NFIB: variants seen among roughly 807,000 people sequenced by gnomAD.
NFIB encodes nuclear factor 1 B-type.
NFIB carries 11 observed loss-of-function variants against 61.5 expected under a neutral mutation model. The observed-to-expected ratio is 0.18, with a 90% CI of 0.11 to 0.30. NFIB has a LOEUF of 0.30. NFIB is among the 10% of genes least tolerant of loss of function. NFIB has a pLI of 1.00. For synonymous variants in NFIB, 260 were observed against 216.5 expected (o/e 1.20, Z -1.76); for missense variants, 471 against 608.9 (o/e 0.77, Z 2.38).
chr9:14,325,721 C>A (rs998493556), intron 1 of NFIB, among the ~76,000 whole-genome samples: 4 of 151,728 alleles, frequency 2.6e-5, no homozygotes, highest in African/African-American at 9.7e-5. Flanking sequence ...ATTATTATAC[C>A]AGAATTTGTG....
At chr9:14,334,798 T>C (rs1175979225) in intron 1 of NFIB, among the ~76,000 whole-genome samples, 1 of 152,222 alleles carries the variant, frequency 6.6e-6, no homozygotes, top group African/African-American at 2.4e-5. Flanking sequence ...AGGCAACATT[T>C]CTATTACCTC....
At chr9:14,431,423 A>G in the NFIB span, among the ~76,000 whole-genome samples, 1 of 152,150 alleles carries the variant, frequency 6.6e-6, no homozygotes, top group Admixed American at 6.5e-5. Flanking sequence ...CTCACTCTAG[A>G]GAGTCTATCA....
chr9:14,430,919 T>G, the NFIB span, among the ~76,000 whole-genome samples: 469 of 152,264 alleles, frequency 3.1e-3, 2 homozygotes, highest in African/African-American at 0.011. Flanking sequence ...GAGAGACAGT[T>G]TTTGTAAGAT....
chr9:14,481,589 A>C, the NFIB span, among the ~76,000 whole-genome samples: 3 of 151,986 alleles, frequency 2.0e-5, no homozygotes, highest in African/African-American at 7.3e-5. Context: ...TCATCCCTTT[A>C]GAACTTCTCC....
intron 1 of NFIB, among the ~76,000 whole-genome samples, chr9:14,325,623 C>A (rs2060743034): frequency 6.6e-6 from 1 of 151,914 alleles, no homozygotes; most frequent in Non-Finnish European, 1.5e-5. Flanking sequence ...TTCTATTTCT[C>A]AAAAATAGAG....
At chr9:14,127,323 T>C (rs1216307427) in intron 6 of NFIB, among the ~76,000 whole-genome samples, 1 of 152,218 alleles carries the variant, frequency 6.6e-6, no homozygotes, top group Non-Finnish European at 1.5e-5. Flanking sequence ...ATAAAAATGA[T>C]GAGCTATAAA....
intron 10 of NFIB, among the ~76,000 whole-genome samples, chr9:14,105,610 G>T (rs2036446451): frequency 6.6e-6 from 1 of 151,934 alleles, no homozygotes; most frequent in Admixed American, 6.6e-5. Context: ...TTAAAGTGAT[G>T]GTATGGGTGG....
chr9:14,346,465 C>T (rs1373476044), intron 1 of NFIB, among the ~76,000 whole-genome samples: 3 of 152,146 alleles, frequency 2.0e-5, no homozygotes, highest in Non-Finnish European at 4.4e-5. Context: ...CGATTTCAAG[C>T]CCAACCCGAT....
chr9:14,499,790 T>C, the NFIB span, among the ~76,000 whole-genome samples: 4 of 152,142 alleles, frequency 2.6e-5, no homozygotes, highest in Non-Finnish European at 4.4e-5. Context: ...ACTCTGCCAT[T>C]AGAAATGGCT....
At chr9:14,486,045 C>T in the NFIB span, among the ~76,000 whole-genome samples, 2 of 152,190 alleles carry the variant, frequency 1.3e-5, no homozygotes, top group South Asian at 2.1e-4. Context: ...AGAACACACA[C>T]TGACATGGAC....
At chr9:14,355,378 G>A (rs921035813) in intron 1 of NFIB, among the ~76,000 whole-genome samples, 1 of 152,118 alleles carries the variant, frequency 6.6e-6, no homozygotes, top group Non-Finnish European at 1.5e-5. Context: ...CTTGATCTCA[G>A]ACTTGAGCCC....
rs1302574143 is a variant in NFIB, at chr9:14,307,934, C to A, written c.31-414G>T. 1 of 157,496 alleles carries A rather than the reference C, an allele frequency of 6.3e-6. No individual in the cohort carries two copies. Among genetic ancestry groups the A allele is most frequent in the Non-Finnish European group, 1.4e-5 (1 of 71,832 alleles). 9.8% of individuals were successfully genotyped at this position (157,496 alleles called of 1,614,324 possible). On this transcript the variant is annotated intron_variant, in intron 1 of 10. Coordinates refer to ENST00000380953, the MANE Select transcript of NFIB (RefSeq NM_001190737.2). The surrounding 1 kb of genome is among the most constrained non-coding windows in gnomAD (Gnocchi z 5.3). ...CTATGCAGTACCATTTTACAAAGAA[C>A]ACAGTGAGATTTTTTTTTTTTAATC...
At chr9:14,286,509 A>G (rs537824977) in intron 2 of NFIB, among the ~76,000 whole-genome samples, 1 of 152,364 alleles carries the variant, frequency 6.6e-6, no homozygotes, top group African/African-American at 2.4e-5. Context: ...ATCCATTCTC[A>G]TGATCTCACT....
At position 14,083,691 on chromosome 9, in the gene NFIB, TTCA is replaced by T. The variant is rs2032398579; in HGVS notation, c.*4615_*4617del. The T allele has an allele frequency of 4.5e-6, 1 of 223,442 alleles. No homozygotes were observed. Among genetic ancestry groups the T allele is most frequent in the Admixed American group, 5.7e-5 (1 of 17,456 alleles). 13.8% of individuals were successfully genotyped at this position (223,442 alleles called of 1,614,324 possible). ...GAATATGGGATAACTTTCTGCAGCC[TTCA>T]TCATTTCACACAGTACATAGAATTT... On this transcript the variant is annotated 3_prime_UTR_variant, in exon 11 of 11. Transcript: ENST00000380953.
At chr9:14,114,019 C>A (rs1038417763) in intron 9 of NFIB, among the ~76,000 whole-genome samples, 1 of 152,130 alleles carries the variant, frequency 6.6e-6, no homozygotes, top group Non-Finnish European at 1.5e-5. Flanking sequence ...CCATATATTA[C>A]CTTTATTGTT....
intron 2 of NFIB, among the ~76,000 whole-genome samples, chr9:14,189,928 T>C (rs768698576): frequency 6.6e-6 from 1 of 152,048 alleles, no homozygotes; most frequent in Non-Finnish European, 1.5e-5. Flanking sequence ...TATCTACACA[T>C]ATTCTAATTT....
chr9:14,440,311 G>T, the NFIB span, among the ~76,000 whole-genome samples: 2 of 152,184 alleles, frequency 1.3e-5, no homozygotes, highest in Admixed American at 6.5e-5. Flanking sequence ...GCCTGGGTGT[G>T]ATCCAGAATC....
chr9:14,453,518 G>A, the NFIB span, among the ~76,000 whole-genome samples: 1 of 152,204 alleles, frequency 6.6e-6, no homozygotes, highest in Non-Finnish European at 1.5e-5. Context: ...TGTCAACAGA[G>A]ACATATGGTA....
chr9:14,091,839 A>G (rs753298699), intron 10 of NFIB, among the ~76,000 whole-genome samples: 1 of 152,072 alleles, frequency 6.6e-6, no homozygotes, highest in Non-Finnish European at 1.5e-5. Flanking sequence ...ATTTGATAGT[A>G]CCTTAACACA....
Sources: allele counts gnomAD v4.1 joint callset (sites outside exome capture counted in the v4.1 genomes callset), GRCh38; gene constraint gnomAD v4.1.1; non-coding constraint Gnocchi (gnomAD v3.1); transcripts MANE v1.5; gene names NCBI Gene and HGNC (gene_info 2026-07-23, HGNC 2026-07-21).